The following TK1 variants were observed in gnomAD, a reference collection of about 807,000 sequenced individuals.
TK1 encodes the protein thymidine kinase 1, also known as thymidine kinase, cytosolic.
In TK1, 13 loss-of-function variants were observed where a neutral mutation model predicts 22.4. The ratio of observed to expected loss-of-function variants is 0.58; its 90% CI spans 0.38 to 0.92. The LOEUF is 0.92. Ranked by LOEUF, TK1 falls within the 40% of genes least tolerant of loss-of-function variation. The pLI is 0.00. For missense variants in TK1, 251 were observed against 315.7 expected (o/e 0.80, Z 1.55); for synonymous variants, 134 against 125.4 (o/e 1.07, Z -0.46).
intron 4 of TK1, among the ~76,000 whole-genome samples, chr17:78,180,455 C>T (rs775960894): frequency 6.6e-6 from 1 of 152,128 alleles, no homozygotes; most frequent in Non-Finnish European, 1.5e-5. Context: ...TTGTGATAAA[C>T]TAACAAAAAT....
chr17:78,184,652 A>G (rs2075767279), intron 3 of TK1, among the ~76,000 whole-genome samples: 1 of 152,064 alleles, frequency 6.6e-6, no homozygotes, highest in African/African-American at 2.4e-5. Context: ...CTGAAACCCT[A>G]CGGCAGAGTT....
intron 3 of TK1, chr17:78,183,897 T>G (rs1317120788): frequency 6.6e-6 from 1 of 152,250 alleles, no homozygotes; most frequent in South Asian, 2.1e-4. Flanking sequence ...AAGGGCAGCC[T>G]CTCGAGCCAT....
At chr17:78,182,340 C>T (rs1016110934) in intron 4 of TK1, among the ~76,000 whole-genome samples, 9 of 148,584 alleles carry the variant, frequency 6.1e-5, no homozygotes, top group Non-Finnish European at 1.3e-4. Flanking sequence ...CATCGTACTC[C>T]GGCCTGGGCA....
chr17:78,178,284 C>G (rs2075715175), intron 4 of TK1, among the ~76,000 whole-genome samples: 2 of 152,252 alleles, frequency 1.3e-5, no homozygotes. Flanking sequence ...CCACCAGCAT[C>G]TGAAGCACAG....
upstream of TK1, chr17:78,187,072 G>T: frequency 1.4e-6 from 2 of 1,461,520 alleles, no homozygotes; most frequent in Non-Finnish European, 1.9e-6. Context: ...CGCGCCGACC[G>T]CTTTAAACCA....
chr17:78,176,272 C>G (rs2075698928), intron 4 of TK1, among the ~76,000 whole-genome samples: 1 of 151,088 alleles, frequency 6.6e-6, no homozygotes, highest in South Asian at 2.1e-4. Context: ...CAGGGAGAAG[C>G]TGAAACTCTG....
chr17:78,175,445 C>T, intron 5 of TK1, 84 bp downstream of exon 5: 1 of 1,357,162 alleles, frequency 7.4e-7, no homozygotes, highest in Non-Finnish European at 1.0e-6. Context: ...GAGCCCTGGT[C>T]ACCCAGAGCT....
intron 3 of TK1, among the ~76,000 whole-genome samples, chr17:78,182,964 T>C (rs1171063040): frequency 2.0e-5 from 3 of 151,958 alleles, no homozygotes; most frequent in Admixed American, 1.3e-4. Context: ...TTCTCAAGGG[T>C]CTCAAGCGAT....
At chr17:78,182,459 C>T in intron 4 of TK1, 130 bp downstream of exon 4, 2 of 613,896 alleles carry the variant, frequency 3.3e-6, no homozygotes, top group South Asian at 5.4e-5. Context: ...GAGGGTATTC[C>T]AACACTAGTT....
Position 78,175,626 on chromosome 17 carries a change from G to A in TK1, c.304-8C>T, listed in dbSNP as rs1210021577. 6.2e-7 allele frequency: 1 copy of A among 1,612,330 alleles called. No homozygotes were observed. On this transcript the variant is annotated splice_polypyrimidine_tract_variant and splice_region_variant and intron_variant, in intron 4 of 6. Coordinates refer to ENST00000301634, the MANE Select transcript of TK1 (RefSeq NM_003258.5). ...CTCCACGATGTCAGGGAACTGGAAA[G>A]GGCACGTGGAGAAAGAGTGTGAGAG...
chr17:78,179,475 T>G, intron 4 of TK1: 1 of 985,274 alleles, frequency 1.0e-6, no homozygotes, highest in Non-Finnish European at 1.2e-6. Flanking sequence ...AGCTGCCGGG[T>G]GGTCGGGAAC....
At chr17:78,182,485 T>C (rs2145827734) in intron 4 of TK1, 104 bp downstream of exon 4, 1 of 892,408 alleles carries the variant, frequency 1.1e-6, no homozygotes, top group Non-Finnish European at 1.6e-6. Flanking sequence ...TATTTAACCT[T>C]GTTATTTTAC....
At position 78,174,827 on chromosome 17, in the gene TK1, C is replaced by G. The variant is rs763713061; in HGVS notation, c.637G>C (p.Gly213Arg). The G allele has an allele frequency of 3.7e-5, 60 of 1,613,212 alleles. No individual in the cohort carries two copies. The highest frequency in any genetic ancestry group is 8.5e-7 in the Non-Finnish European group (1 of 1,179,636). The change falls in exon 7 of 7, where the codon GGG (glycine) becomes CGG (arginine). Residue 213 changes from glycine (G) to arginine (R), a missense_variant. Coordinates refer to ENST00000301634, the MANE Select transcript of TK1 (RefSeq NM_003258.5). ...KENCPVPGKP[G>R]EAVAARKLFA... is the part of the protein sequence containing the mutation. ...AGCTTCCTGGCAGCCACGGCTTCCC[C>G]TGGCTTTCCTGGCACTGGGCAGTTC...
intron 1 of TK1, 25 bp downstream of exon 1, chr17:78,186,904 C>T: frequency 1.3e-6 from 2 of 1,565,596 alleles, no homozygotes; most frequent in Non-Finnish European, 8.7e-7. Flanking sequence ...TCATCCCCAG[C>T]CACGCGCAGG....
intron 4 of TK1, chr17:78,179,199 C>A: frequency 1.0e-6 from 1 of 985,390 alleles, no homozygotes; most frequent in Non-Finnish European, 1.2e-6. Flanking sequence ...AGAGCCTTGC[C>A]AAAGCTGAAG....
intron 4 of TK1, among the ~76,000 whole-genome samples, chr17:78,180,712 G>C (rs548978565): frequency 1.3e-5 from 2 of 152,352 alleles, no homozygotes; most frequent in Admixed American, 1.3e-4. Flanking sequence ...CACTCTGGAA[G>C]ATGGAACCCA....
intron 3 of TK1, among the ~76,000 whole-genome samples, chr17:78,184,348 G>A (rs2075763825): frequency 6.6e-6 from 1 of 152,214 alleles, no homozygotes; most frequent in African/African-American, 2.4e-5. Flanking sequence ...GCCCTATAAT[G>A]TGTGGCACAG....
chr17:78,182,783 A>T, intron 3 of TK1, 101 bp from the exon 4 acceptor site: 1 of 817,926 alleles, frequency 1.2e-6, no homozygotes, highest in Non-Finnish European at 1.8e-6. Context: ...CTACCTGCAA[A>T]GCAGGCTCAG....
rs1411848549 is a variant in TK1 at position 78,186,810 on chromosome 17, G to A, written c.75C>T (p.Leu25=). ...ACCTTTTTCCTGAGAACATCGGCCCGAGAATCACCTAGGAGAGAAGGTGAG... is the reference window on the plus strand; with the variant it reads ...ACCTTTTTCCTGAGAACATCGGCCCAAGAATCACCTAGGAGAGAAGGTGAG... ...SKTRGQIQVI[L]GPMFSGKSTE... The change falls in exon 2 of 7, where the codon CTC becomes CTT. Residue 25 remains leucine (L), a synonymous_variant. Transcript: ENST00000301634. The A allele has an allele frequency of 1.9e-6, 3 of 1,585,170 alleles. No homozygotes were observed. The highest frequency in any genetic ancestry group is 1.2e-5 in the South Asian group (1 of 86,364).
Sources: allele counts gnomAD v4.1 joint callset (sites outside exome capture counted in the v4.1 genomes callset), GRCh38; gene constraint gnomAD v4.1.1; transcripts MANE v1.5; gene names NCBI Gene and HGNC (gene_info 2026-07-23, HGNC 2026-07-21).